Variants in MYH9 observed in about 807,000 individuals in gnomAD.
MYH9 encodes myosin heavy chain 9.
A neutral mutation model predicts 241.9 loss-of-function variants in MYH9; 29 were observed. That is an observed-to-expected ratio of 0.12 (90% CI 0.09 to 0.16). The LOEUF is 0.16. MYH9 is among the 10% of genes least tolerant of loss of function. MYH9 has a pLI of 1.00. For synonymous variants in MYH9, 1,047 were observed against 1,062.6 expected, an observed-to-expected ratio of 0.99 and a Z score of 0.29; for missense variants, 1,803 against 2,595.5, an observed-to-expected ratio of 0.69 and a Z score of 6.63.
rs2017226401 is a variant in MYH9, at chr22:36,320,117, T to TCTAGCAGGCTCCCCAGGCCC, written c.1012+83_1012+102dup. 32 of 1,544,808 alleles carry TCTAGCAGGCTCCCCAGGCCC rather than the reference T, an allele frequency of 2.1e-5. No individual in the cohort carries two copies. Among genetic ancestry groups the TCTAGCAGGCTCCCCAGGCCC allele is most frequent in the Non-Finnish European group, 2.8e-5 (32 of 1,125,018 alleles). On this transcript the variant is annotated intron_variant, in intron 9 of 40. Coordinates refer to ENST00000216181, the MANE Select transcript of MYH9 (RefSeq NM_002473.6). The surrounding 1 kb of genome is among the most constrained non-coding windows in gnomAD (Gnocchi z 4.8). ...TGAAGGCCTTCCCCTTCCCCTGGCC[T>TCTAGCAGGCTCCCCAGGCCC]CTAGCAGGCTCCCCAGGCCCATCGG...
intron 40 of MYH9, 115 bp downstream of exon 40, chr22:36,283,978 T>C: frequency 7.0e-6 from 9 of 1,281,976 alleles, no homozygotes; most frequent in South Asian, 3.6e-5. Flanking sequence ...AGGGATTGCT[T>C]TGTGCAGTCC....
intron 1 of MYH9, among the ~76,000 whole-genome samples, chr22:36,366,856 G>T (rs988938020): frequency 6.6e-6 from 1 of 151,396 alleles, no homozygotes; most frequent in Non-Finnish European, 1.5e-5. Context: ...CACCCCTGGG[G>T]TGGCACAACT....
intron 2 of MYH9, among the ~76,000 whole-genome samples, chr22:36,342,373 T>C (rs555039029): frequency 1.2e-3 from 176 of 152,216 alleles, no homozygotes; most frequent in African/African-American, 3.7e-3. Flanking sequence ...CTAGACCTCA[T>C]TGGGTGGTTA....
intron 1 of MYH9, among the ~76,000 whole-genome samples, chr22:36,360,157 G>C (rs2017916488): frequency 6.8e-6 from 1 of 147,936 alleles, no homozygotes; most frequent in South Asian, 2.1e-4. Context: ...TCTATCTTGT[G>C]ATTCTGAGCT....
Position 36,306,734 on chromosome 22 carries a change from C to A in MYH9, c.1844-127G>T. ...AGGAGACAGAATGAAACAACAGGAC[C>A]CTTTCCAATTGGAGCCTACACTGGG... On this transcript the variant is annotated intron_variant, in intron 15 of 40. Transcript: ENST00000216181. The surrounding 1 kb of genome is among the most constrained non-coding windows in gnomAD (Gnocchi z 4.1). The A allele has an allele frequency of 1.0e-6, 1 of 996,180 alleles. No homozygotes were observed. Among genetic ancestry groups the A allele is most frequent in the East Asian group, 2.6e-5 (1 of 38,384 alleles). 61.7% of individuals were successfully genotyped at this position (996,180 alleles called of 1,614,324 possible).
At chr22:36,352,170 C>A (rs113920827) in intron 1 of MYH9, among the ~76,000 whole-genome samples, 1 of 152,138 alleles carries the variant, frequency 6.6e-6, no homozygotes, top group African/African-American at 2.4e-5. Flanking sequence ...GGAGCTGGGC[C>A]CTAACTGTCC....
chr22:36,299,123 A>T (rs1316597833), intron 23 of MYH9, 81 bp from the exon 24 acceptor site: 1 of 1,585,242 alleles, frequency 6.3e-7, no homozygotes, highest in East Asian at 2.2e-5. Context: ...ACTCGCCCGG[A>T]AATCTGGGGC....
chr22:36,352,147 C>T (rs2017774410), intron 1 of MYH9, among the ~76,000 whole-genome samples: 1 of 152,204 alleles, frequency 6.6e-6, no homozygotes, highest in African/African-American at 2.4e-5. Flanking sequence ...CCCTCGGAAG[C>T]CAGGCCGGCA....
Position 36,288,258 on chromosome 22 carries a change from C to T in MYH9, c.4926G>A (p.Lys1642=). 2 of 1,613,980 alleles carry T rather than the reference C, an allele frequency of 1.2e-6. No homozygotes were observed. Among genetic ancestry groups the T allele is most frequent in the Admixed American group, 1.7e-5 (1 of 60,038 alleles). The change falls in exon 34 of 41, where the codon AAG becomes AAA. Residue 1642 remains lysine, a synonymous_variant. Transcript: ENST00000216181. The surrounding 1 kb of genome is among the most constrained non-coding windows in gnomAD (Gnocchi z 4.8). ...GGGCCCCGCCCACCCTTACCTGCAG[C>T]TTCCGCAGCTGTTTGATGGCTTCGT... ...NRDEAIKQLR[K]LQAQMKDCMR...
chr22:36,288,203 G>T lies in MYH9; in HGVS notation c.4932+49C>A. The T allele has an allele frequency of 6.2e-7, 1 of 1,608,180 alleles. No homozygotes were observed. ...AGCCCTGGCACCTTCATATGTAGTT[G>T]GCTCAGTCGGGTGCCGCCCACCCTC... On this transcript the variant is annotated intron_variant, in intron 34 of 40. Transcript: ENST00000216181. The surrounding 1 kb of genome is among the most constrained non-coding windows in gnomAD (Gnocchi z 4.8).
At chr22:36,314,841 G>C (rs1197686191) in intron 12 of MYH9, among the ~76,000 whole-genome samples, 1 of 152,014 alleles carries the variant, frequency 6.6e-6, no homozygotes, top group Non-Finnish European at 1.5e-5. Context: ...TAGAAATGGG[G>C]TTTCACCATG....
Position 36,341,479 on chromosome 22 carries a change from C to T in MYH9, c.381G>A (p.Leu127=), listed in dbSNP as rs2017589514. The change falls in exon 3 of 41, where the codon CTG becomes CTA. Residue 127 remains leucine (L), a synonymous_variant. Transcript: ENST00000216181. ...FCVVINPYKN[L]PIYSEEIVEM... ...CCACAATCTCTTCAGAGTAGATGGG[C>T]AGGTTCTTGTAAGGATTGATGACCA... 10 of 1,614,212 alleles carry T rather than the reference C, an allele frequency of 6.2e-6. No homozygotes were observed. The East Asian group carries it at 2.2e-4, about 36-fold the overall frequency.
At chr22:36,366,326 T>C (rs191002710) in intron 1 of MYH9, among the ~76,000 whole-genome samples, 72 of 151,444 alleles carry the variant, frequency 4.8e-4, no homozygotes, top group Non-Finnish European at 9.1e-4. Context: ...CTGCCTAAGA[T>C]CACATAGCCA....
rs559260182 is a variant in MYH9, at chr22:36,377,921, A to G, written c.-20+9886T>C. Among the ~76,000 whole-genome samples, 24 of 152,090 alleles carry G rather than the reference A, an allele frequency of 1.6e-4. No homozygotes were observed. The South Asian group carries it at 4.8e-3, about 30-fold the overall frequency. On this transcript the variant is annotated intron_variant, in intron 1 of 40. Transcript: ENST00000216181. ...GCAAGACTCCGTCTCAAAAAAACAA[A>G]AAAAAACTTGAACGTGTATTTCCTA...
chr22:36,325,131 G>C, intron 5 of MYH9: 2 of 766,918 alleles, frequency 2.6e-6, no homozygotes, highest in East Asian at 2.4e-5. Flanking sequence ...CTCCTAAAAA[G>C]AATGGAAAAT....
At position 36,295,246 on chromosome 22, in the gene MYH9, G is replaced by A. The variant is rs926197049; in HGVS notation, c.3486-170C>T. ...TATCCCATAGCCCAGGCTCAAATAC[G>A]CCCTGTGAGAGCTTCTGTAGCCTTT... On this transcript the variant is annotated intron_variant, in intron 26 of 40. Transcript: ENST00000216181. The surrounding 1 kb of genome is among the most constrained non-coding windows in gnomAD (Gnocchi z 4.1). Among the ~76,000 whole-genome samples the A allele has an allele frequency of 2.0e-5, 3 of 152,106 alleles. No individual in the cohort carries two copies. Among genetic ancestry groups the A allele is most frequent in the African/African-American group, 7.2e-5 (3 of 41,426 alleles).
chr22:36,326,584 T>C lies in MYH9; in HGVS notation c.596A>G (p.Lys199Arg). The stretch of plus-strand genomic sequence containing the variant: ...AGCACTCACCTGGTCCTTCTTGCTC[T>C]TGTGCGAGGACGCCACGTACGCCAG... ...QYLAYVASSH[K>R]SKKDQGELER... Residue 199 changes from lysine (K) to arginine (R), a missense_variant, in exon 5 of 41, where the codon AAG (lysine) becomes AGG (arginine). Lys to Arg is a conservative substitution (Grantham distance 26). Transcript: ENST00000216181. The C allele has an allele frequency of 6.2e-7, 1 of 1,614,238 alleles. No homozygotes were observed. Among genetic ancestry groups the C allele is most frequent in the Non-Finnish European group, 8.5e-7 (1 of 1,180,028 alleles).
intron 6 of MYH9, 127 bp from the exon 7 acceptor site, chr22:36,321,948 C>T (rs1332811700): frequency 1.0e-5 from 9 of 870,934 alleles, no homozygotes; most frequent in Admixed American, 3.8e-5. Context: ...AACCCAGAGA[C>T]GGGACCCATG....
intron 1 of MYH9, among the ~76,000 whole-genome samples, chr22:36,375,998 A>G (rs900882692): frequency 1.0e-5 from 1 of 95,718 alleles, no homozygotes; most frequent in African/African-American, 4.1e-5. Context: ...TTTTGCTCCT[A>G]TTGACCAGGC....
Sources: gnomAD v4.1 joint callset for allele counts (sites outside exome capture counted in the v4.1 genomes callset) on GRCh38, gnomAD v4.1.1 for gene constraint, Gnocchi (gnomAD v3.1) non-coding constraint, MANE v1.5 for transcripts, NCBI Gene and HGNC (gene_info 2026-07-23, HGNC 2026-07-21) for gene names.